Variants in CELF2 observed in about 807,000 individuals in gnomAD.
CELF2 encodes the protein CUGBP Elav-like family member 2.
CELF2 carries 8 observed loss-of-function variants against 62.6 expected under a neutral mutation model. The ratio of observed to expected loss-of-function variants is 0.13; its 90% CI spans 0.07 to 0.23. The LOEUF (loss-of-function observed/expected upper bound fraction) is 0.23, where lower values mean the gene tolerates loss of function less well. Ranked by LOEUF, CELF2 falls within the 10% of genes least tolerant of loss-of-function variation. The pLI, the probability that CELF2 is intolerant of heterozygous loss-of-function variation, is 1.00. For synonymous variants in CELF2, 258 were observed against 250.0 expected (o/e 1.03, Z -0.30); for missense variants, 333 against 671.0 (o/e 0.50, Z 5.56).
At chr10:10,529,288 T>C in the CELF2 span, among the ~76,000 whole-genome samples, 1 of 152,282 alleles carries the variant, frequency 6.6e-6, no homozygotes, top group East Asian at 1.9e-4. Flanking sequence ...GCAGCTGTCA[T>C]GCAGCAGGAA....
chr10:10,568,113 G>A, the CELF2 span, among the ~76,000 whole-genome samples: 1 of 152,092 alleles, frequency 6.6e-6, no homozygotes, highest in African/African-American at 2.4e-5. Flanking sequence ...AGGAGGCAAG[G>A]CTGCTTTAAA....
chr10:11,288,293 G>A, intron 8 of CELF2, 125 bp from the exon 9 acceptor site: 2 of 1,190,498 alleles, frequency 1.7e-6, no homozygotes, highest in Non-Finnish European at 2.3e-6. Flanking sequence ...CACCCAGGCA[G>A]GTGACCTTGC....
the CELF2 span, among the ~76,000 whole-genome samples, chr10:10,507,406 C>G: frequency 6.6e-6 from 1 of 152,042 alleles, no homozygotes; most frequent in African/African-American, 2.4e-5. Context: ...TCCAAGCAGG[C>G]CTGGAGGTAA....
In CELF2 at chr10:11,326,097, C is replaced by T. The variant is rs571141677; in HGVS notation, c.1438+118C>T. On this transcript the variant is annotated intron_variant, in intron 12 of 12. Coordinates refer to ENST00000633077, the MANE Select transcript of CELF2 (RefSeq NM_001326342.2). ...GGCCTTCCCCACATTGTGTTGGGCT[C>T]TGATTTTCTGGATCCTTGTAAGCAG... The T allele has an allele frequency of 6.4e-5, 65 of 1,017,970 alleles. No homozygotes were observed. The East Asian group carries it at 1.6e-3, about 25-fold the overall frequency. 63.1% of individuals were successfully genotyped at this position (1,017,970 alleles called of 1,614,324 possible).
the CELF2 span, among the ~76,000 whole-genome samples, chr10:10,614,942 A>C: frequency 3.3e-5 from 5 of 152,006 alleles, no homozygotes; most frequent in African/African-American, 1.2e-4. Context: ...GGTGGGAAGC[A>C]ATCAGGTCAT....
intron 2 of CELF2, among the ~76,000 whole-genome samples, chr10:10,989,375 A>G (rs2053178927): frequency 6.6e-6 from 1 of 152,166 alleles, no homozygotes; most frequent in Non-Finnish European, 1.5e-5. Context: ...CATGGTACCA[A>G]CCTAAGAAAT....
At chr10:10,814,736 G>C (rs2056287500) in intron 1 of CELF2, among the ~76,000 whole-genome samples, 1 of 152,206 alleles carries the variant, frequency 6.6e-6, no homozygotes. Flanking sequence ...AGCTTACCTT[G>C]AGGTTAAATC....
rs1217181511 is a variant in CELF2, at chr10:11,335,394, G to A, written c.*6341G>A. The A allele has an allele frequency of 1.3e-5, 2 of 152,426 alleles. No individual in the cohort carries two copies. The highest frequency in any genetic ancestry group is 3.8e-4 in the East Asian group (2 of 5,198). The allele number at this position is 152,426 out of a possible 1,614,324, so 9.4% of individuals were successfully genotyped here. On this transcript the variant is annotated 3_prime_UTR_variant, in exon 13 of 13. Transcript: ENST00000633077. The surrounding 1 kb of genome is among the most constrained non-coding windows in gnomAD (Gnocchi z 5.0). ...CCAGCACCTGGCAGCCTTCCTCTGC[G>A]TGCCAGTGAAATCTCTCCCAGTAGG...
chr10:11,254,042 C>T (rs1180527275), intron 4 of CELF2, among the ~76,000 whole-genome samples: 1 of 151,924 alleles, frequency 6.6e-6, no homozygotes, highest in African/African-American at 2.4e-5. Flanking sequence ...ACTTAGTGCC[C>T]GTGAATACTC....
At chr10:10,881,303 C>T (rs2061424508) in intron 1 of CELF2, among the ~76,000 whole-genome samples, 2 of 152,206 alleles carry the variant, frequency 1.3e-5, no homozygotes, top group Admixed American at 6.5e-5. Flanking sequence ...GCAAGACTTA[C>T]AGTTGCCTTA....
chr10:11,006,728 G>A (rs1175794070), intron 1 of CELF2, among the ~76,000 whole-genome samples: 1 of 152,172 alleles, frequency 6.6e-6, no homozygotes, highest in Non-Finnish European at 1.5e-5. Flanking sequence ...CACAATTTCG[G>A]TCACAAACTA....
At chr10:10,772,450 A>G in the CELF2 span, among the ~76,000 whole-genome samples, 1 of 152,254 alleles carries the variant, frequency 6.6e-6, no homozygotes, top group African/African-American at 2.4e-5. Context: ...GTTGGTTTCA[A>G]TTTAAATGCT....
intron 2 of CELF2, among the ~76,000 whole-genome samples, chr10:11,166,780 A>G (rs912559908): frequency 1.3e-5 from 2 of 152,098 alleles, no homozygotes; most frequent in African/African-American, 4.8e-5. Context: ...CTTTTCTCTA[A>G]CCCTTTTCCT....
intron 2 of CELF2, among the ~76,000 whole-genome samples, chr10:10,998,979 C>G (rs2054248545): frequency 6.6e-6 from 1 of 152,196 alleles, no homozygotes; most frequent in African/African-American, 2.4e-5. Flanking sequence ...ACAGTTTTAT[C>G]ATTTTATTTT....
At chr10:11,080,084 C>T (rs958955629) in intron 1 of CELF2, among the ~76,000 whole-genome samples, 2 of 152,186 alleles carry the variant, frequency 1.3e-5, no homozygotes, top group Admixed American at 1.3e-4. Flanking sequence ...GAGCTTTGCA[C>T]TTGACAGATG....
intron 1 of CELF2, among the ~76,000 whole-genome samples, chr10:11,077,121 G>C (rs749234669): frequency 2.6e-5 from 4 of 152,180 alleles, no homozygotes; most frequent in African/African-American, 9.7e-5. Context: ...TTAACTCTGA[G>C]ACAAGTGAAT....
Position 10,814,655 on chromosome 10 carries a change from G to A in CELF2, c.53+15838G>A, listed in dbSNP as rs1411978102. ...GATTTAAGATTTTGAGCTGGCCCTGGGCCAAATGAGGTAACATGGCCCTCC... is the reference window on the plus strand; with the variant it reads ...GATTTAAGATTTTGAGCTGGCCCTGAGCCAAATGAGGTAACATGGCCCTCC... On this transcript the variant is annotated intron_variant, in intron 1 of 13. Coordinates refer to the CELF2 transcript ENST00000636488. 2.0e-5 allele frequency among the ~76,000 whole-genome samples: 3 copies of A among 152,216 alleles called. No individual in the cohort carries two copies. The East Asian group carries it at 5.8e-4, about 29-fold the overall frequency.
At chr10:10,810,614 C>T (rs1320085593) in intron 1 of CELF2, among the ~76,000 whole-genome samples, 2 of 152,066 alleles carry the variant, frequency 1.3e-5, no homozygotes, top group Non-Finnish European at 2.9e-5. Flanking sequence ...CTCTAAGGGG[C>T]TCATATCAAA....
chr10:10,946,728 C>A (rs2047725573), intron 2 of CELF2: 1 of 152,178 alleles, frequency 6.6e-6, no homozygotes, highest in South Asian at 2.1e-4. Context: ...AAGGTAAGTT[C>A]TTTTATTGAC....
Sources: allele counts gnomAD v4.1 joint callset (sites outside exome capture counted in the v4.1 genomes callset), GRCh38; gene constraint gnomAD v4.1.1; non-coding constraint Gnocchi (gnomAD v3.1); transcripts MANE v1.5; gene names NCBI Gene and HGNC (gene_info 2026-07-23, HGNC 2026-07-21).